TBC1D21: variants seen among roughly 807,000 people sequenced by gnomAD.
The protein encoded by TBC1D21 is male germ cell Rab GTPase-activating protein.
Under a neutral mutation model 46.0 loss-of-function variants are expected in TBC1D21, and 38 were observed. The ratio of observed to expected loss-of-function variants is 0.83; its 90% confidence interval spans 0.64 to 1.08. The LOEUF (loss-of-function observed/expected upper bound fraction) is 1.08. Among genes scored for constraint, TBC1D21 ranks in the 50% least tolerant of loss-of-function variants. The pLI is 0.00. For missense variants in TBC1D21, 415 were observed against 417.9 expected, an observed-to-expected ratio of 0.99 and a Z score of 0.06; for synonymous variants, 151 against 157.2, an observed-to-expected ratio of 0.96 and a Z score of 0.29.
chr15:73,896,409 G>A, the TBC1D21 span, among the ~76,000 whole-genome samples: 33 of 147,282 alleles, frequency 2.2e-4, no homozygotes, highest in Middle Eastern at 3.5e-3. Flanking sequence ...TCAAGGTGGC[G>A]GCTCAAGTGC....
At position 73,884,249 on chromosome 15, in the gene TBC1D21, A is replaced by T; in HGVS notation, c.367+4A>T. On this transcript the variant is annotated splice_donor_region_variant and intron_variant, in intron 4 of 10. Coordinates refer to ENST00000300504, the MANE Select transcript of TBC1D21 (RefSeq NM_153356.3). ...ACAGAGACTCGCAATAACATTGGTG[A>T]GCAAAGTGGGGTGGAGAGGGCTGGG... 4 of 1,613,990 alleles carry T rather than the reference A, an allele frequency of 2.5e-6. No individual in the cohort carries two copies. Among genetic ancestry groups the T allele is most frequent in the Non-Finnish European group, 3.4e-6 (4 of 1,179,816 alleles).
downstream of TBC1D21, among the ~76,000 whole-genome samples, chr15:73,891,468 C>A (rs552377671): frequency 4.7e-4 from 71 of 152,298 alleles, no homozygotes; most frequent in African/African-American, 1.6e-3. Flanking sequence ...TCCATGGAGC[C>A]AGTGGGAGCC....
downstream of TBC1D21, among the ~76,000 whole-genome samples, chr15:73,889,723 GC>G (rs1260228521): frequency 1.3e-5 from 2 of 152,202 alleles, no homozygotes; most frequent in African/African-American, 4.8e-5. Flanking sequence ...TCATTTATCA[GC>G]CTGCAAATGT....
chr15:73,901,464 G>T, the TBC1D21 span, among the ~76,000 whole-genome samples: 3 of 152,238 alleles, frequency 2.0e-5, no homozygotes, highest in Non-Finnish European at 2.9e-5. Context: ...ATCTTCATCA[G>T]AGTCTGCTTC....
chr15:73,875,865 A>C (rs1329663864), intron 1 of TBC1D21, among the ~76,000 whole-genome samples: 1 of 152,194 alleles, frequency 6.6e-6, no homozygotes, highest in Non-Finnish European at 1.5e-5. Flanking sequence ...GGTTGAGCAA[A>C]GAACAGAGGA....
chr15:73,879,397 T>A (rs2068114851), intron 1 of TBC1D21, among the ~76,000 whole-genome samples: 1 of 152,132 alleles, frequency 6.6e-6, no homozygotes, highest in East Asian at 1.9e-4. Context: ...TGTTTTTTTT[T>A]AGTAGATATG....
At chr15:73,876,000 A>G (rs2068052780) in intron 1 of TBC1D21, among the ~76,000 whole-genome samples, 1 of 152,076 alleles carries the variant, frequency 6.6e-6, no homozygotes, top group Admixed American at 6.6e-5. Context: ...ATGTAGAGAG[A>G]GGGCTTCTAA....
chr15:73,905,139 C>T, the TBC1D21 span, among the ~76,000 whole-genome samples: 869 of 152,256 alleles, frequency 5.7e-3, 13 homozygotes, highest in African/African-American at 0.02. Flanking sequence ...ACAAGGCCTC[C>T]CACGCCCTCT....
chr15:73,909,007 C>CA, the TBC1D21 span, among the ~76,000 whole-genome samples: 1 of 152,210 alleles, frequency 6.6e-6, no homozygotes, highest in African/African-American at 2.4e-5. Context: ...GGGCTCCTAA[C>CA]CTCTCCCTGT....
chr15:73,887,238 C>T (rs900328738), intron 8 of TBC1D21, among the ~76,000 whole-genome samples: 4 of 152,238 alleles, frequency 2.6e-5, no homozygotes, highest in African/African-American at 9.6e-5. Context: ...TGACCACACC[C>T]AGGCCTTTGG....
chr15:73,874,114 T>C (rs11072447), intron 1 of TBC1D21, among the ~76,000 whole-genome samples: 45,545 of 152,196 alleles, frequency 0.3, 7,877 homozygotes, highest in Middle Eastern at 0.51. Context: ...AGTAATGCTT[T>C]TGTTAGTAGG....
chr15:73,888,688 T>C (rs1010411415), intron 10 of TBC1D21, among the ~76,000 whole-genome samples, 175 bp downstream of exon 10: 3 of 149,676 alleles, frequency 2.0e-5, no homozygotes, highest in Non-Finnish European at 4.5e-5. Context: ...CTCCTCCTCT[T>C]CCTCCTCGTA....
intron 8 of TBC1D21, among the ~76,000 whole-genome samples, chr15:73,887,312 C>T (rs960682622): frequency 1.3e-5 from 2 of 152,214 alleles, no homozygotes; most frequent in African/African-American, 2.4e-5. Context: ...TCAAATTCGA[C>T]AGTTTCCTAG....
intron 3 of TBC1D21, among the ~76,000 whole-genome samples, chr15:73,883,924 T>C (rs1215444198): frequency 6.6e-6 from 1 of 152,128 alleles, no homozygotes; most frequent in Non-Finnish European, 1.5e-5. Context: ...GCGTTTGGAG[T>C]ACAGAGCCCA....
chr15:73,889,859 G>A (rs8037504), downstream of TBC1D21, among the ~76,000 whole-genome samples: 144,692 of 152,332 alleles, frequency 0.95, 69,179 homozygotes, highest in East Asian at 1. Context: ...CCCCCAGGCT[G>A]TGCCACAGCC....
At chr15:73,874,384 A>G (rs567709746) in intron 1 of TBC1D21, among the ~76,000 whole-genome samples, 2 of 152,288 alleles carry the variant, frequency 1.3e-5, no homozygotes, top group South Asian at 4.1e-4. Context: ...TATCTTTCTC[A>G]TTTCTCTGAG....
chr15:73,899,377 G>A, the TBC1D21 span, among the ~76,000 whole-genome samples: 2 of 152,178 alleles, frequency 1.3e-5, no homozygotes, highest in African/African-American at 2.4e-5. Context: ...TTCAGGAGGC[G>A]CCCTCCTCAA....
At chr15:73,899,894 G>A in the TBC1D21 span, among the ~76,000 whole-genome samples, 1 of 152,196 alleles carries the variant, frequency 6.6e-6, no homozygotes, top group Non-Finnish European at 1.5e-5. Context: ...TGGCCCCAGG[G>A]AGCTCAGCCT....
the TBC1D21 span, among the ~76,000 whole-genome samples, chr15:73,897,631 C>T: frequency 6.6e-6 from 1 of 152,198 alleles, no homozygotes; most frequent in African/African-American, 2.4e-5. Context: ...CCTGGCTGCC[C>T]CAGGGACCAG....
Sources: gnomAD v4.1 joint callset for allele counts (sites outside exome capture counted in the v4.1 genomes callset) on GRCh38, gnomAD v4.1.1 for gene constraint, MANE v1.5 for transcripts, NCBI Gene and HGNC (gene_info 2026-07-23, HGNC 2026-07-21) for gene names.